SEMA5B: variants seen among roughly 807,000 people sequenced by gnomAD.
SEMA5B encodes semaphorin 5B.
Under a neutral mutation model 135.0 loss-of-function variants are expected in SEMA5B, and 66 were observed. The observed-to-expected ratio is 0.49, with a 90% confidence interval of 0.40 to 0.60. SEMA5B has a LOEUF of 0.60. Among genes scored for constraint, SEMA5B ranks in the 20% least tolerant of loss-of-function variants. SEMA5B has a pLI of 0.00. For missense variants in SEMA5B, 1,501 were observed against 1,566.3 expected (o/e 0.96, Z 0.70); for synonymous variants, 690 against 639.5 (o/e 1.08, Z -1.19).
chr3:122,979,869 C>G (rs749615220), intron 1 of SEMA5B, among the ~76,000 whole-genome samples: 22 of 152,330 alleles, frequency 1.4e-4, no homozygotes, highest in Admixed American at 2.0e-4. Flanking sequence ...TGGGTTATGT[C>G]AGAGCACTGG....
rs761703190 is a variant in SEMA5B at position 122,915,591 on chromosome 3, C to T, written c.1837G>A (p.Gly613Ser). The T allele has an allele frequency of 1.2e-5, 20 of 1,613,414 alleles. No individual in the cohort carries two copies. The highest frequency in any genetic ancestry group is 6.7e-5 in the East Asian group (3 of 44,872). The change falls in exon 14 of 23, where the codon GGC becomes AGC. Residue 613 changes from glycine (G) to serine (S), a missense_variant. Gly to Ser is a moderately conservative substitution (Grantham distance 56). Around this residue, in one of 2 missense-constraint regions of SEMA5B, gnomAD observed 927 missense variants for 881.6 expected, o/e 1.05. Coordinates refer to ENST00000357599, the MANE Select transcript of SEMA5B (RefSeq NM_001031702.4). ...CATGGTTGCCATGGTGACCATGGGC[C>T]GAAGCCCCCATCCCGTGTCACATTC... ...VRNVTRDGGF[G>S]PWSPWQPCEH...
intron 1 of SEMA5B, among the ~76,000 whole-genome samples, chr3:122,965,078 A>G (rs1940761762): frequency 6.6e-6 from 1 of 152,178 alleles, no homozygotes; most frequent in Non-Finnish European, 1.5e-5. Flanking sequence ...AATTAGCATA[A>G]TGTTCTCAAG....
At chr3:122,952,544 G>C (rs111393380) in intron 2 of SEMA5B, among the ~76,000 whole-genome samples, 1 of 152,246 alleles carries the variant, frequency 6.6e-6, no homozygotes, top group Non-Finnish European at 1.5e-5. Flanking sequence ...AGGAGGAAAG[G>C]AGTTATTACC....
At chr3:122,995,456 C>A (rs77806327) in intron 1 of SEMA5B, among the ~76,000 whole-genome samples, 6,736 of 152,254 alleles carry the variant, frequency 0.044, 177 homozygotes, top group Middle Eastern at 0.078. Flanking sequence ...TAGAGACAGG[C>A]TCTGGGCAGA....
chr3:123,020,713 C>G (rs369227036), intron 1 of SEMA5B, among the ~76,000 whole-genome samples: 1 of 152,196 alleles, frequency 6.6e-6, no homozygotes. Flanking sequence ...AGGCTCCCCC[C>G]GCAGAAATCC....
At chr3:122,966,285 C>T (rs1940814010) in intron 1 of SEMA5B, among the ~76,000 whole-genome samples, 1 of 152,152 alleles carries the variant, frequency 6.6e-6, no homozygotes, top group Non-Finnish European at 1.5e-5. Context: ...ACACTGAAGA[C>T]AGTTGATAAA....
At position 122,988,926 on chromosome 3, in the gene SEMA5B, T is replaced by C. The variant is rs187253315; in HGVS notation, c.-38-27625A>G. Among the ~76,000 whole-genome samples, 32 of 152,340 alleles carry C rather than the reference T, an allele frequency of 2.1e-4. No individual in the cohort carries two copies. The East Asian group carries it at 4.8e-3, about 23-fold the overall frequency. On this transcript the variant is annotated intron_variant, in intron 1 of 22. Transcript: ENST00000357599. Reference sequence around the variant, plus strand: ...ATGAATGCAGGCATGAATGCAGCCCTTCTGCTCTGGAGAAGCAGGCTCTGC... The same window carrying C: ...ATGAATGCAGGCATGAATGCAGCCCCTCTGCTCTGGAGAAGCAGGCTCTGC...
intron 1 of SEMA5B, among the ~76,000 whole-genome samples, chr3:122,978,524 G>A (rs1272676080): frequency 6.6e-6 from 1 of 152,054 alleles, no homozygotes; most frequent in Non-Finnish European, 1.5e-5. Context: ...TTAGAGTTAT[G>A]TTCCTGAAAA....
chr3:123,024,570 G>A (rs948822523), intron 1 of SEMA5B, among the ~76,000 whole-genome samples: 74 of 152,194 alleles, frequency 4.9e-4, no homozygotes, highest in Non-Finnish European at 7.2e-4. Flanking sequence ...TGGATGTGAT[G>A]TGCTCAGATT....
chr3:122,953,775 C>G (rs539200951), intron 2 of SEMA5B, among the ~76,000 whole-genome samples: 1 of 152,284 alleles, frequency 6.6e-6, no homozygotes, highest in East Asian at 1.9e-4. Context: ...GAGGCAAGTT[C>G]TAGAATTGGG....
chr3:122,978,491 A>G (rs1576385554), intron 1 of SEMA5B, among the ~76,000 whole-genome samples: 1 of 152,176 alleles, frequency 6.6e-6, no homozygotes, highest in East Asian at 1.9e-4. Context: ...TTTTTCTTTT[A>G]ATAGACTCCC....
intron 2 of SEMA5B, among the ~76,000 whole-genome samples, chr3:122,953,246 CT>C (rs1940136468): frequency 6.6e-6 from 1 of 152,186 alleles, no homozygotes; most frequent in African/African-American, 2.4e-5. Context: ...CCTGTGCTCC[CT>C]TCCCAGGCCT....
intron 2 of SEMA5B, among the ~76,000 whole-genome samples, chr3:122,957,993 C>T (rs1940409361): frequency 6.6e-6 from 1 of 152,258 alleles, no homozygotes; most frequent in Non-Finnish European, 1.5e-5. Flanking sequence ...CTTCCTGCTG[C>T]ACACCAGCCT....
chr3:122,912,180 G>C lies in SEMA5B; in HGVS notation c.2888C>G (p.Ala963Gly). Residue 963 changes from alanine (A) to glycine (G), a missense_variant, in exon 19 of 23, where the codon GCC (alanine) becomes GGC (glycine). Physicochemically the swap from Ala to Gly is moderately conservative, Grantham distance 60. This residue lies in a region of SEMA5B where 927 missense variants were observed against 881.6 expected (regional missense o/e 1.05). Coordinates refer to ENST00000357599, the MANE Select transcript of SEMA5B (RefSeq NM_001031702.4). ...CGGGATGTGCCTCATACCTGGGCAGGCCTGTGTGGCACATAGTGCCTCCTC... is the reference window on the plus strand; with the variant it reads ...CGGGATGTGCCTCATACCTGGGCAGCCCTGTGTGGCACATAGTGCCTCCTC... ...HTEEALCATQ[A>G]CPEGWSPWSE... 6.3e-7 allele frequency: 1 copy of C among 1,591,732 alleles called. No individual in the cohort carries two copies. Among genetic ancestry groups the C allele is most frequent in the Non-Finnish European group, 8.6e-7 (1 of 1,165,722 alleles).
chr3:122,969,707 GC>G (rs2107639969), intron 1 of SEMA5B, among the ~76,000 whole-genome samples: 1 of 152,256 alleles, frequency 6.6e-6, no homozygotes, highest in South Asian at 2.1e-4. Flanking sequence ...GAAGTCACTG[GC>G]CCCTTCTGCT....
At position 122,913,291 on chromosome 3, in the gene SEMA5B, G is replaced by C. The variant is rs757694332; in HGVS notation, c.2414C>G (p.Pro805Arg). 2 of 1,582,368 alleles carry C rather than the reference G, an allele frequency of 1.3e-6. No individual in the cohort carries two copies. The highest frequency in any genetic ancestry group is 1.7e-5 in the Admixed American group (1 of 57,526). Reference protein sequence around the residue: ...EQRFRFTCRAPLADPHGLQFG... With the variant: ...EQRFRFTCRARLADPHGLQFG... Reference sequence around the variant, plus strand: ...CTGCAGGCCGTGCGGGTCTGCAAGGGGCGCGCGGCAGGTGAAGCGGAACCG... The same window carrying C: ...CTGCAGGCCGTGCGGGTCTGCAAGGCGCGCGCGGCAGGTGAAGCGGAACCG... Residue 805 changes from proline (P) to arginine (R), a missense_variant, in exon 17 of 23, where the codon CCC becomes CGC. Coordinates refer to ENST00000357599, the MANE Select transcript of SEMA5B (RefSeq NM_001031702.4).
At position 122,973,610 on chromosome 3, in the gene SEMA5B, G is replaced by C. The variant is rs144360216; in HGVS notation, c.-38-12309C>G. Among the ~76,000 whole-genome samples, 791 of 152,366 alleles carry C rather than the reference G, an allele frequency of 5.2e-3. 6 individuals are homozygous for C. The highest frequency in any genetic ancestry group is 8.4e-3 in the Non-Finnish European group (573 of 68,042). On this transcript the variant is annotated intron_variant, in intron 1 of 22. Coordinates refer to ENST00000357599, the MANE Select transcript of SEMA5B (RefSeq NM_001031702.4). Reference sequence around the variant, plus strand: ...GTTCCTTTTGGTTTATGTTATCGCAGTTATGATGGTGTTTGTGCAGTAAGT... The same window carrying C: ...GTTCCTTTTGGTTTATGTTATCGCACTTATGATGGTGTTTGTGCAGTAAGT...
chr3:122,966,702 C>A (rs1435505880), intron 1 of SEMA5B, among the ~76,000 whole-genome samples: 1 of 150,366 alleles, frequency 6.7e-6, no homozygotes, highest in Non-Finnish European at 1.5e-5. Flanking sequence ...CTACAGGCCC[C>A]CGCCACCGCG....
chr3:122,916,386 T>A (rs1265503253), intron 12 of SEMA5B, among the ~76,000 whole-genome samples: 1 of 152,166 alleles, frequency 6.6e-6, no homozygotes, highest in African/African-American at 2.4e-5. Flanking sequence ...CACATTAGAA[T>A]CACCTGAGGA....
Sources: gnomAD v4.1 joint callset for allele counts (sites outside exome capture counted in the v4.1 genomes callset) on GRCh38, gnomAD v4.1.1 for gene constraint, gnomAD v4.1.1 regional missense constraint, MANE v1.5 for transcripts, NCBI Gene and HGNC (gene_info 2026-07-23, HGNC 2026-07-21) for gene names.